The following EFCAB12 variants were observed in gnomAD, a reference collection of about 807,000 sequenced individuals.
The protein encoded by EFCAB12 is EF-hand calcium-binding domain-containing protein 12.
Under a neutral mutation model 53.6 loss-of-function variants are expected in EFCAB12, and 43 were observed. The observed-to-expected ratio is 0.80, with a 90% CI of 0.63 to 1.03. The LOEUF is 1.03. Ranked by LOEUF, EFCAB12 falls within the 50% of genes least tolerant of loss-of-function variation. The probability of loss-of-function intolerance (pLI) is 0.00; values close to 1 mark genes in which losing one functional copy is unlikely to be tolerated. For missense variants in EFCAB12, 646 were observed against 730.6 expected (o/e 0.88, Z 1.34); for synonymous variants, 269 against 289.2 (o/e 0.93, Z 0.71).
intron 1 of EFCAB12, among the ~76,000 whole-genome samples, chr3:129,423,369 G>A (rs1009534872): frequency 1.3e-5 from 2 of 152,210 alleles, no homozygotes; most frequent in African/African-American, 4.8e-5. Flanking sequence ...GCTTATGCCT[G>A]TAATCCAAGC....
intron 3 of EFCAB12, among the ~76,000 whole-genome samples, chr3:129,416,787 C>T (rs187872050): frequency 4.2e-4 from 64 of 152,200 alleles, no homozygotes; most frequent in African/African-American, 1.4e-3. Context: ...GTAGCTGGGA[C>T]GACAGGTGTG....
At position 129,415,405 on chromosome 3, in the gene EFCAB12, A is replaced by C. The variant is rs1157604522; in HGVS notation, c.682-4T>G. 3 of 1,613,432 alleles carry C rather than the reference A, an allele frequency of 1.9e-6. No individual in the cohort carries two copies. The highest frequency in any genetic ancestry group is 1.7e-6 in the Non-Finnish European group (2 of 1,179,706). ...GGTTCTTCAGAGGGACTCCGACCTG[A>C]GGAGAGAGAAGACCTTCAGACTAGC... On this transcript the variant is annotated splice_polypyrimidine_tract_variant and splice_region_variant and intron_variant, in intron 3 of 8. Coordinates refer to ENST00000505956, the MANE Select transcript of EFCAB12 (RefSeq NM_207307.3).
intron 7 of EFCAB12, chr3:129,403,783 G>A (rs918819931): frequency 6.6e-6 from 1 of 152,648 alleles, no homozygotes; most frequent in African/African-American, 2.4e-5. Context: ...CTGGAGGCAG[G>A]TCCCGGGGAA....
intron 6 of EFCAB12, among the ~76,000 whole-genome samples, chr3:129,404,939 A>G (rs1255411658): frequency 6.6e-6 from 1 of 152,152 alleles, no homozygotes; most frequent in Non-Finnish European, 1.5e-5. Flanking sequence ...TAGCCTCCTA[A>G]GTAGCTAGGG....
chr3:129,413,757 T>C (rs542062425), intron 4 of EFCAB12: 2 of 152,166 alleles, frequency 1.3e-5, no homozygotes, highest in Admixed American at 6.5e-5. Context: ...TCCTGTTTCT[T>C]TCCTCTTTCT....
intron 1 of EFCAB12, among the ~76,000 whole-genome samples, chr3:129,424,674 T>C (rs6796070): frequency 1.3e-5 from 2 of 152,140 alleles, no homozygotes; most frequent in African/African-American, 2.4e-5. Flanking sequence ...AAACAACACA[T>C]GTATCATTAC....
chr3:129,426,372 T>TTG (rs1553720189), intron 1 of EFCAB12, among the ~76,000 whole-genome samples: 242 of 145,388 alleles, frequency 1.7e-3, no homozygotes, highest in African/African-American at 5.6e-3. Flanking sequence ...TTTTTTTTTT[T>TTG]TTTTTTTTTT....
chr3:129,416,735 T>G (rs1429822745), intron 3 of EFCAB12, among the ~76,000 whole-genome samples: 1 of 152,072 alleles, frequency 6.6e-6, no homozygotes, highest in Non-Finnish European at 1.5e-5. Context: ...CTGCAGCCTC[T>G]AACTCCCGGG....
chr3:129,408,497 C>T, intron 6 of EFCAB12, 148 bp downstream of exon 6: 1 of 821,466 alleles, frequency 1.2e-6, no homozygotes, highest in Non-Finnish European at 1.9e-6. Context: ...TCTTCTCCTC[C>T]ACGCCCCCAC....
chr3:129,405,413 CA>C, intron 6 of EFCAB12, among the ~76,000 whole-genome samples: 1 of 152,012 alleles, frequency 6.6e-6, no homozygotes, highest in Non-Finnish European at 1.5e-5. Context: ...TTAATATTTT[CA>C]AAAGGTACAC....
chr3:129,408,503 C>G lies in EFCAB12; in HGVS notation c.1249+142G>C, dbSNP rs879364705. On this transcript the variant is annotated intron_variant, in intron 6 of 8. Coordinates refer to ENST00000505956, the MANE Select transcript of EFCAB12 (RefSeq NM_207307.3). ...GGCTCCTCCTCTTCTCCTCCACGCCCCCACTCCGCCTTATTCCCAATGTCC... is the reference window on the plus strand; with the variant it reads ...GGCTCCTCCTCTTCTCCTCCACGCCGCCACTCCGCCTTATTCCCAATGTCC... 2.2e-5 allele frequency: 19 copies of G among 870,952 alleles called. 1 individual carries two copies. The Admixed American group carries it at 4.1e-4, about 19-fold the overall frequency. The allele number at this position is 870,952 out of a possible 1,614,324, so 54.0% of individuals were successfully genotyped here.
At chr3:129,408,928 G>T in intron 5 of EFCAB12, 70 bp from the exon 6 acceptor site, 3 of 1,510,262 alleles carry the variant, frequency 2.0e-6, no homozygotes, top group Non-Finnish European at 2.7e-6. Context: ...GAAGAAGGAA[G>T]ATGCAGTGCC....
chr3:129,414,715 C>T (rs1212096916), intron 4 of EFCAB12: 1 of 152,340 alleles, frequency 6.6e-6, no homozygotes, highest in African/African-American at 2.4e-5. Flanking sequence ...TGTGGCCCCA[C>T]AAATGTATTG....
At position 129,401,573 on chromosome 3, in the gene EFCAB12, C is replaced by A; in HGVS notation, c.*20G>T. The A allele has an allele frequency of 6.7e-7, 1 of 1,500,772 alleles. No homozygotes were observed. The highest frequency in any genetic ancestry group is 1.3e-5 in the South Asian group (1 of 76,444). The allele number at this position is 1,500,772 out of a possible 1,614,324, so 93.0% of individuals were successfully genotyped here. A position where few individuals can be genotyped will look rare whatever the true frequency, so the allele number is the denominator to read the frequency against. On this transcript the variant is annotated 3_prime_UTR_variant, in exon 9 of 9. Coordinates refer to ENST00000505956, the MANE Select transcript of EFCAB12 (RefSeq NM_207307.3). ...GGCCCCTGGCCCAGGAAGGCTGGGTCCGGCAACACCTGGCTAGCTCTAGTT... is the reference window on the plus strand; with the variant it reads ...GGCCCCTGGCCCAGGAAGGCTGGGTACGGCAACACCTGGCTAGCTCTAGTT...
chr3:129,424,105 C>G (rs1340434832), intron 1 of EFCAB12, among the ~76,000 whole-genome samples: 1 of 152,216 alleles, frequency 6.6e-6, no homozygotes. Flanking sequence ...TCTTTCCCAA[C>G]AGCCTGTGAG....
chr3:129,420,190 A>C (rs558044760), intron 2 of EFCAB12, among the ~76,000 whole-genome samples: 5 of 152,338 alleles, frequency 3.3e-5, no homozygotes, highest in African/African-American at 1.2e-4. Flanking sequence ...CCCAATGGAC[A>C]CTTGTGAGAT....
intron 6 of EFCAB12, among the ~76,000 whole-genome samples, chr3:129,404,789 G>C (rs2071927098): frequency 6.6e-6 from 1 of 152,152 alleles, no homozygotes; most frequent in African/African-American, 2.4e-5. Flanking sequence ...ATTTGACCAA[G>C]ACTTGATGAG....
At chr3:129,411,081 G>T in intron 5 of EFCAB12, 77 bp downstream of exon 5, 1 of 1,467,990 alleles carries the variant, frequency 6.8e-7, no homozygotes, top group Non-Finnish European at 9.1e-7. Flanking sequence ...CAGCCAGCGG[G>T]TGGTGCTGCT....
intron 7 of EFCAB12, chr3:129,403,796 G>A (rs2071908718): frequency 6.5e-6 from 1 of 152,862 alleles, no homozygotes; most frequent in Non-Finnish European, 1.5e-5. Flanking sequence ...CCGGGGAAAT[G>A]TTCTTTTATC....
Sources: gnomAD v4.1 joint callset for allele counts (sites outside exome capture counted in the v4.1 genomes callset) on GRCh38, gnomAD v4.1.1 for gene constraint, MANE v1.5 for transcripts, NCBI Gene and HGNC (gene_info 2026-07-23, HGNC 2026-07-21) for gene names.